Variants in SARS1 observed in about 807,000 individuals in gnomAD.
The protein encoded by SARS1 is seryl-tRNA synthetase 1, also known as serine--tRNA ligase, cytoplasmic.
SARS1 carries 25 observed loss-of-function variants against 63.7 expected under a neutral mutation model. That is an observed-to-expected ratio of 0.39 (90% confidence interval 0.29 to 0.55). The LOEUF (loss-of-function observed/expected upper bound fraction) is 0.55. SARS1 is among the 20% of genes least tolerant of loss of function. The probability of loss-of-function intolerance (pLI) is 0.62; values close to 1 mark genes in which losing one functional copy is unlikely to be tolerated. For synonymous variants in SARS1, 231 were observed against 243.5 expected (o/e 0.95, Z 0.48); for missense variants, 417 against 649.7 (o/e 0.64, Z 3.89).
chr1:109,232,027 C>T (rs1655222221), intron 6 of SARS1, among the ~76,000 whole-genome samples: 1 of 152,198 alleles, frequency 6.6e-6, no homozygotes, highest in South Asian at 2.1e-4. Flanking sequence ...TGCAGAGCCT[C>T]TTTTACCTTT....
chr1:109,222,250 G>A (rs910585813), intron 1 of SARS1, among the ~76,000 whole-genome samples: 27 of 151,372 alleles, frequency 1.8e-4, no homozygotes, highest in African/African-American at 6.3e-4. Flanking sequence ...ACAGGAAGTT[G>A]GAAAAATAGT....
In SARS1 at chr1:109,237,752, T is replaced by A. The variant is rs759987452; in HGVS notation, c.1409T>A (p.Phe470Tyr). ...MPPGLQELIP[F>Y]VKPAPIEQEP... ...CCAGGACTGCAAGAACTGATCCCCT[T>A]TGTGAAGCCTGCGCCCATTGAGCAG... The change falls in exon 11 of 11, where the codon TTT becomes TAT. Residue 470 changes from phenylalanine to tyrosine, a missense_variant. This residue lies in a region of SARS1 where 43 missense variants were observed against 68.1 expected (regional missense o/e 0.63). Transcript: ENST00000234677. The surrounding 1 kb of genome is among the most constrained non-coding windows in gnomAD (Gnocchi z 4.1). 1.2e-6 allele frequency: 2 copies of A among 1,614,046 alleles called. No individual in the cohort carries two copies. The highest frequency in any genetic ancestry group is 1.7e-6 in the Non-Finnish European group (2 of 1,180,008).
chr1:109,214,286 C>T lies in SARS1; in HGVS notation c.136+158C>T, dbSNP rs373448619. Reference sequence around the variant, plus strand: ...TTCTCCCCATCCCCGAAAACACAGCCTGGTCGCCGGGGTCATCCCACTTTC... The same window carrying T: ...TTCTCCCCATCCCCGAAAACACAGCTTGGTCGCCGGGGTCATCCCACTTTC... On this transcript the variant is annotated intron_variant, in intron 1 of 10. Transcript: ENST00000234677. The surrounding 1 kb of genome is among the most constrained non-coding windows in gnomAD (Gnocchi z 4.6). 8.4e-4 allele frequency among the ~76,000 whole-genome samples: 128 copies of T among 152,362 alleles called. No individual in the cohort carries two copies. The highest frequency in any genetic ancestry group is 2.8e-3 in the African/African-American group (117 of 41,584).
chr1:109,223,853 A>G lies in SARS1; in HGVS notation c.137-125A>G, dbSNP rs955839837. The G allele has an allele frequency of 2.6e-5, 19 of 718,538 alleles. No homozygotes were observed. In the South Asian group the frequency reaches 3.1e-4, roughly 12 times the overall value. The allele number at this position is 718,538 out of a possible 1,614,324, so 44.5% of individuals were successfully genotyped here. On this transcript the variant is annotated intron_variant, in intron 1 of 10. Transcript: ENST00000234677. ...AAGATTTTATAACTTCATGAGGCAGATCCTTCAGCTCTGCCGGCATTTGGG... is the reference window on the plus strand; with the variant it reads ...AAGATTTTATAACTTCATGAGGCAGGTCCTTCAGCTCTGCCGGCATTTGGG...
chr1:109,215,871 ATTTT>A, intron 1 of SARS1: 1 of 311,052 alleles, frequency 3.2e-6, no homozygotes, highest in Non-Finnish European at 4.6e-6. Context: ...CACCCAGCTA[ATTTT>A]TTTTTTTAGT....
chr1:109,226,995 C>CT (rs562155510), intron 2 of SARS1, among the ~76,000 whole-genome samples: 1,773 of 131,224 alleles, frequency 0.014, 32 homozygotes, highest in African/African-American at 0.038. Context: ...TTCTTTAACT[C>CT]TTTTTTTTTT....
intron 1 of SARS1, chr1:109,216,832 A>G (rs1654800434): frequency 1.4e-6 from 1 of 695,092 alleles, no homozygotes; most frequent in Admixed American, 6.3e-5. Flanking sequence ...CATGTTGCCT[A>G]GGCTGGCCTC....
chr1:109,226,677 A>AAAAAATATATAT (rs1178056468), intron 2 of SARS1, among the ~76,000 whole-genome samples: 10 of 44,958 alleles, frequency 2.2e-4, no homozygotes, highest in African/African-American at 4.1e-4. Context: ...AAAAAAAAAA[A>AAAAAATATATAT]ATATATATAT....
chr1:109,227,477 G>T (rs934305465), intron 2 of SARS1, among the ~76,000 whole-genome samples: 4 of 152,166 alleles, frequency 2.6e-5, no homozygotes, highest in South Asian at 2.1e-4. Context: ...TACATTGATT[G>T]TTCTAAACTG....
chr1:109,224,016 C>T lies in SARS1; in HGVS notation c.175C>T (p.Leu59=). 6.2e-7 allele frequency: 1 copy of T among 1,613,618 alleles called. No individual in the cohort carries two copies. Residue 59 remains leucine (L), a synonymous_variant, in exon 2 of 11, where the codon CTA becomes TTA. Transcript: ENST00000234677. ...AGACAACTTGAACAAGCTGAAGAAC[C>T]TATGCAGCAAGACAATCGGAGAGAA... is the stretch of plus-strand genomic sequence containing the variant. ...RADNLNKLKN[L]CSKTIGEKMK... is the part of the protein sequence containing the mutation.
At position 109,214,368 on chromosome 1, in the gene SARS1, C is replaced by T. The variant is rs1654735943; in HGVS notation, c.136+240C>T. Reference sequence around the variant, plus strand: ...ACGCGTGCTCAGTGCCGTTCGCTGCCAGTGTGCGTACGCACGCGCATCGGG... The same window carrying T: ...ACGCGTGCTCAGTGCCGTTCGCTGCTAGTGTGCGTACGCACGCGCATCGGG... On this transcript the variant is annotated intron_variant, in intron 1 of 10. Coordinates refer to ENST00000234677, the MANE Select transcript of SARS1 (RefSeq NM_006513.4). This position sits in a 1 kb window ranked among gnomAD's most constrained non-coding sequence, Gnocchi z 4.6. Among the ~76,000 whole-genome samples the T allele has an allele frequency of 6.6e-6, 1 of 152,238 alleles. No individual in the cohort carries two copies. The highest frequency in any genetic ancestry group is 2.1e-4 in the South Asian group (1 of 4,830).
chr1:109,232,244 C>T (rs1655225781), intron 6 of SARS1, among the ~76,000 whole-genome samples: 1 of 152,180 alleles, frequency 6.6e-6, no homozygotes, highest in Non-Finnish European at 1.5e-5. Context: ...ATGGAGGTGG[C>T]TTCCAGTTTG....
Position 109,219,262 on chromosome 1 carries a change from C to CATATATATATATATATATATATATATAT in SARS1, c.137-4689_137-4688insTATATATATATATATATATATATATATA, listed in dbSNP as rs142272817. On this transcript the variant is annotated intron_variant, in intron 1 of 10. Coordinates refer to ENST00000234677, the MANE Select transcript of SARS1 (RefSeq NM_006513.4). ...GCCTGGGCGATAGAGCAAGACTCTCCATATATATATATATATATATATATA... is the reference window on the plus strand; with the variant it reads ...GCCTGGGCGATAGAGCAAGACTCTCCATATATATATATATATATATATATATATATATATATATATATATATATATATA... Among the ~76,000 whole-genome samples the CATATATATATATATATATATATATATAT allele has an allele frequency of 2.9e-3, 222 of 76,838 alleles. 4 individuals are homozygous for CATATATATATATATATATATATATATAT. The highest frequency in any genetic ancestry group is 4.5e-3 in the Non-Finnish European group (161 of 35,660). The allele number at this position is 76,838 out of a possible 152,430, so 50.4% of individuals were successfully genotyped here. A position where few individuals can be genotyped will look rare whatever the true frequency, so the allele number is the denominator to read the frequency against.
rs145379028 is a variant in SARS1 at position 109,233,499 on chromosome 1, A to G, written c.748-1711A>G. 2.8e-3 allele frequency among the ~76,000 whole-genome samples: 422 copies of G among 149,504 alleles called. 1 individual carries two copies. The highest frequency in any genetic ancestry group is 5.0e-3 in the Non-Finnish European group (336 of 67,324). On this transcript the variant is annotated intron_variant, in intron 6 of 10. Transcript: ENST00000234677. ...TTCTTCCTTACTTTTTTTTTTTTTA[A>G]TTAAAATGCTGCTACATAACAAAAT...
chr1:109,230,679 C>A (rs964280696), intron 4 of SARS1, among the ~76,000 whole-genome samples, 199 bp from the exon 5 acceptor site: 1 of 152,038 alleles, frequency 6.6e-6, no homozygotes, highest in Admixed American at 6.5e-5. Flanking sequence ...TAGTGTTGCA[C>A]ACCTGTCTGT....
In SARS1 at chr1:109,235,496, T is replaced by C. The variant is rs529589480; in HGVS notation, c.969+65T>C. On this transcript the variant is annotated intron_variant, in intron 7 of 10. Coordinates refer to ENST00000234677, the MANE Select transcript of SARS1 (RefSeq NM_006513.4). This position sits in a 1 kb window ranked among gnomAD's most constrained non-coding sequence, Gnocchi z 4.7. ...GTCTCCAGAATGGTTAGATGAGAGA[T>C]AGGATCTGTGTTGCTGAGGCCCATC... is the stretch of plus-strand genomic sequence containing the variant. 6 of 1,329,900 alleles carry C rather than the reference T, an allele frequency of 4.5e-6. No homozygotes were observed. Among genetic ancestry groups the C allele is most frequent in the African/African-American group, 4.3e-5 (3 of 69,370 alleles). 82.4% of individuals were successfully genotyped at this position (1,329,900 alleles called of 1,614,324 possible).
Position 109,229,399 on chromosome 1 carries a change from C to G in SARS1, c.289-15C>G, listed in dbSNP as rs368687246. ...CTCACTGTCCTGCTTATGGGCCTGGCCTGTTCATCTGCAGAACCTGAAAGT... is the reference window on the plus strand; with the variant it reads ...CTCACTGTCCTGCTTATGGGCCTGGGCTGTTCATCTGCAGAACCTGAAAGT... On this transcript the variant is annotated splice_polypyrimidine_tract_variant and intron_variant, in intron 3 of 10. Transcript: ENST00000234677. The G allele has an allele frequency of 1.9e-6, 3 of 1,613,082 alleles. No homozygotes were observed. The highest frequency in any genetic ancestry group is 2.2e-5 in the East Asian group (1 of 44,882).
At chr1:109,219,069 A>G (rs916593635) in intron 1 of SARS1, among the ~76,000 whole-genome samples, 2 of 151,298 alleles carry the variant, frequency 1.3e-5, no homozygotes, top group African/African-American at 4.9e-5. Flanking sequence ...GATCGAGACC[A>G]TCCTGGCTAA....
chr1:109,236,481 A>G lies in SARS1; in HGVS notation c.1190A>G (p.Asn397Ser). 1 of 1,607,210 alleles carries G rather than the reference A, an allele frequency of 6.2e-7. No homozygotes were observed. Among genetic ancestry groups the G allele is most frequent in the Non-Finnish European group, 8.5e-7 (1 of 1,174,246 alleles). ...GAFRELVSCSNCTDYQARRLR... is the reference protein window; with the variant it reads ...GAFRELVSCSSCTDYQARRLR... ...TTCCGTGAGTTGGTCTCCTGTTCTA[A>G]TTGCACGGATTACCAGGCTCGCCGG... The change falls in exon 9 of 11, where the codon AAT (asparagine) becomes AGT (serine). Residue 397 changes from asparagine (N) to serine (S), a missense_variant. This residue lies in a region of SARS1 where 359 missense variants were observed against 529.6 expected (regional missense o/e 0.68). Transcript: ENST00000234677.
Sources: allele counts gnomAD v4.1 joint callset (sites outside exome capture counted in the v4.1 genomes callset), GRCh38; gene constraint gnomAD v4.1.1; regional missense constraint gnomAD v4.1.1; non-coding constraint Gnocchi (gnomAD v3.1); transcripts MANE v1.5; gene names NCBI Gene and HGNC (gene_info 2026-07-23, HGNC 2026-07-21).